RALGAPB: variants seen among roughly 807,000 people sequenced by gnomAD.
RALGAPB encodes the protein Ral GTPase activating protein non-catalytic subunit beta.
Under a neutral mutation model 161.1 loss-of-function variants are expected in RALGAPB, and 25 were observed. The observed-to-expected ratio is 0.16, with a 90% CI of 0.11 to 0.22. RALGAPB has a LOEUF of 0.22. Among genes scored for constraint, RALGAPB ranks in the 10% least tolerant of loss-of-function variants. RALGAPB has a pLI of 1.00. For missense variants in RALGAPB, 1,391 were observed against 1,815.2 expected, an observed-to-expected ratio of 0.77 and a Z score of 4.25; for synonymous variants, 629 against 626.1, an observed-to-expected ratio of 1.00 and a Z score of -0.07.
chr20:38,555,679 C>T (rs1309290216), intron 22 of RALGAPB, among the ~76,000 whole-genome samples: 1 of 152,162 alleles, frequency 6.6e-6, no homozygotes, highest in Non-Finnish European at 1.5e-5. Context: ...TAGTTTTCCA[C>T]TTCTGTTATC....
At chr20:38,511,617 C>T (rs997308400) in intron 6 of RALGAPB, among the ~76,000 whole-genome samples, 6 of 152,156 alleles carry the variant, frequency 3.9e-5, no homozygotes, top group African/African-American at 1.4e-4. Context: ...TGAGTTGACA[C>T]AGCACATGTT....
At chr20:38,503,948 AC>A (rs2085673180) in intron 5 of RALGAPB, among the ~76,000 whole-genome samples, 1 of 152,198 alleles carries the variant, frequency 6.6e-6, no homozygotes, top group South Asian at 2.1e-4. Flanking sequence ...AAATGGAAAA[AC>A]ATTCCATGTT....
intron 6 of RALGAPB, among the ~76,000 whole-genome samples, chr20:38,511,860 G>GGGT (rs2123046806): frequency 6.6e-6 from 1 of 152,268 alleles, no homozygotes; most frequent in African/African-American, 2.4e-5. Flanking sequence ...CTCCTAGACG[G>GGGT]GGTGGCGGCC....
Position 38,524,805 on chromosome 20 carries a change from G to T in RALGAPB, c.1647G>T (p.Leu549Phe). ...SRFYMLLIQG[L>F]QINDYVCHPV... Reference sequence around the variant, plus strand: ...TTTACATGCTTTTAATTCAAGGTTTGCAGATAAATGATTATGTGTGCCATC... The same window carrying T: ...TTTACATGCTTTTAATTCAAGGTTTTCAGATAAATGATTATGTGTGCCATC... The change falls in exon 11 of 30, where the codon TTG (leucine) becomes TTT (phenylalanine). Residue 549 changes from leucine to phenylalanine, a missense_variant. Transcript: ENST00000262879. 6.2e-7 allele frequency: 1 copy of T among 1,609,430 alleles called. No homozygotes were observed. The highest frequency in any genetic ancestry group is 8.5e-7 in the Non-Finnish European group (1 of 1,176,078).
intron 14 of RALGAPB, 119 bp from the exon 15 acceptor site, chr20:38,532,611 C>T: frequency 8.4e-7 from 1 of 1,191,234 alleles, no homozygotes; most frequent in Non-Finnish European, 1.2e-6. Flanking sequence ...CTGTTACTAT[C>T]AGTTTGTACT....
At chr20:38,550,440 C>G (rs190458384) in intron 20 of RALGAPB, among the ~76,000 whole-genome samples, 3 of 152,260 alleles carry the variant, frequency 2.0e-5, no homozygotes, top group Admixed American at 2.0e-4. Context: ...ATCACCCAGT[C>G]CTCCATTTTT....
intron 20 of RALGAPB, 58 bp downstream of exon 20, chr20:38,548,853 A>G: frequency 1.5e-6 from 2 of 1,360,422 alleles, no homozygotes; most frequent in Non-Finnish European, 2.1e-6. Context: ...AAGGTTAGGT[A>G]ACATTCCAAC....
intron 9 of RALGAPB, among the ~76,000 whole-genome samples, chr20:38,519,009 G>C (rs573279590): frequency 6.6e-6 from 1 of 152,134 alleles, no homozygotes; most frequent in East Asian, 1.9e-4. Flanking sequence ...TCAGAACTAG[G>C]ATCTATGTCT....
In RALGAPB at chr20:38,578,778, G is replaced by A. The variant is rs180688037; in HGVS notation, c.*3811G>A. ...CCAGAGGTTTGTTTGTATTTATGCC[G>A]ATCCTTTGTCCAGAAGAAGCCCATG... On this transcript the variant is annotated 3_prime_UTR_variant, in exon 30 of 30. Coordinates refer to ENST00000262879, the MANE Select transcript of RALGAPB (RefSeq NM_020336.4). 276 of 152,664 alleles carry A rather than the reference G, an allele frequency of 1.8e-3. No individual in the cohort carries two copies. Among genetic ancestry groups the A allele is most frequent in the African/African-American group, 5.7e-3 (237 of 41,530 alleles). The allele number at this position is 152,664 out of a possible 1,614,324, so 9.5% of individuals were successfully genotyped here.
chr20:38,526,422 C>T (rs573911788), intron 13 of RALGAPB, among the ~76,000 whole-genome samples: 3 of 151,966 alleles, frequency 2.0e-5, no homozygotes, highest in Non-Finnish European at 4.4e-5. Context: ...TTCTTCTTGC[C>T]TCTTCCTCTT....
rs1005020690 is a variant in RALGAPB at position 38,473,044 on chromosome 20, GATGCGGGCCCCGCC to G, written c.-55_-42del. 5.2e-6 allele frequency: 2 copies of G among 382,644 alleles called. No individual in the cohort carries two copies. Among genetic ancestry groups the G allele is most frequent in the African/African-American group, 2.1e-5 (1 of 47,880 alleles). The allele number at this position is 382,644 out of a possible 1,614,324, so 23.7% of individuals were successfully genotyped here. On this transcript the variant is annotated 5_prime_UTR_variant, in exon 1 of 30. The change abolishes an upstream ATG in the 5' untranslated region. Coordinates refer to ENST00000262879, the MANE Select transcript of RALGAPB (RefSeq NM_020336.4). ...GGCCGGCGGCGGCGCCCGCCCCGGCGATGCGGGCCCCGCCCGTCGCCTCAGGTAACCGGGCAGCC... is the reference window on the plus strand; with the variant it reads ...GGCCGGCGGCGGCGCCCGCCCCGGCGCGTCGCCTCAGGTAACCGGGCAGCC...
At chr20:38,573,424 G>A (rs919545432) in intron 28 of RALGAPB, among the ~76,000 whole-genome samples, 1 of 151,916 alleles carries the variant, frequency 6.6e-6, no homozygotes, top group Admixed American at 6.6e-5. Context: ...CCAACATGTA[G>A]CATCACAAAT....
intron 4 of RALGAPB, 144 bp downstream of exon 4, chr20:38,497,660 C>T: frequency 1.1e-6 from 1 of 891,514 alleles, no homozygotes; most frequent in Non-Finnish European, 1.7e-6. Context: ...AGAATGGAAA[C>T]TCTCAGGCAC....
intron 1 of RALGAPB, among the ~76,000 whole-genome samples, chr20:38,482,574 C>A (rs2085000997): frequency 2.6e-5 from 4 of 151,750 alleles, no homozygotes; most frequent in Admixed American, 2.6e-4. Context: ...ATTACAGGCA[C>A]ACACCACTAA....
chr20:38,559,911 G>A (rs116352059), intron 23 of RALGAPB, among the ~76,000 whole-genome samples: 1 of 152,158 alleles, frequency 6.6e-6, no homozygotes, highest in African/African-American at 2.4e-5. Context: ...AGGAAGACTT[G>A]TAAAATGTCG....
intron 4 of RALGAPB, among the ~76,000 whole-genome samples, chr20:38,498,474 G>A (rs1326169012): frequency 2.0e-5 from 3 of 152,198 alleles, no homozygotes; most frequent in Non-Finnish European, 2.9e-5. Flanking sequence ...AAGGAAGCAT[G>A]GAATTTCAGT....
chr20:38,570,735 A>G, intron 27 of RALGAPB, 34 bp from the exon 28 acceptor site: 1 of 1,314,430 alleles, frequency 7.6e-7, no homozygotes, highest in Non-Finnish European at 1.1e-6. Context: ...AAAATGAGGG[A>G]GATATTAATT....
chr20:38,570,791 G>C lies in RALGAPB; in HGVS notation c.4086G>C (p.Leu1362=), dbSNP rs1337757156. The C allele has an allele frequency of 6.2e-7, 1 of 1,607,516 alleles. No individual in the cohort carries two copies. Among genetic ancestry groups the C allele is most frequent in the South Asian group, 1.1e-5 (1 of 90,814 alleles). Residue 1362 remains leucine (L), a synonymous_variant, in exon 28 of 30, where the codon CTG becomes CTC. Coordinates refer to ENST00000262879, the MANE Select transcript of RALGAPB (RefSeq NM_020336.4). ...CAGAAAACTTTCCCCTCTCAGAGCT[G>C]ATGACAGAGATCAGTACTGGTGTGG... is the stretch of plus-strand genomic sequence containing the variant. The part of the protein sequence containing the change: ...DDIENFPLSE[L]MTEISTGVET...
At position 38,502,301 on chromosome 20, in the gene RALGAPB, A is replaced by G. The variant is rs1458799747; in HGVS notation, c.740+2668A>G. ...AAAAGTGATGTCTCAGTTTTCATTT[A>G]TTTTTCGTCATATTTAATTTACAAT... On this transcript the variant is annotated intron_variant, in intron 5 of 29. Transcript: ENST00000262879. Among the ~76,000 whole-genome samples, 2 of 152,148 alleles carry G rather than the reference A, an allele frequency of 1.3e-5. 1 individual carries two copies. The highest frequency in any genetic ancestry group is 6.3e-3 in the Middle Eastern group (2 of 316).
Sources: gnomAD v4.1 joint callset for allele counts (sites outside exome capture counted in the v4.1 genomes callset) on GRCh38, gnomAD v4.1.1 for gene constraint, MANE v1.5 for transcripts, NCBI Gene and HGNC (gene_info 2026-07-23, HGNC 2026-07-21) for gene names.